The following EML1 variants were observed in gnomAD, a reference collection of about 807,000 sequenced individuals.
EML1 encodes the protein EMAP like 1.
In EML1, 27 loss-of-function variants were observed where a neutral mutation model predicts 110.4. The observed-to-expected ratio is 0.24, with a 90% CI of 0.18 to 0.34. EML1 has a LOEUF of 0.34. Ranked by LOEUF, EML1 falls within the 10% of genes least tolerant of loss-of-function variation. The probability of loss-of-function intolerance (pLI) is 1.00; values close to 1 mark genes in which losing one functional copy is unlikely to be tolerated. For synonymous variants in EML1, 344 were observed against 385.8 expected (o/e 0.89, Z 1.27); for missense variants, 741 against 1,030.9 (o/e 0.72, Z 3.85).
Position 99,781,610 on chromosome 14 carries a change from C to T in EML1, c.-27+7597C>T, listed in dbSNP as rs1225231779. Among the ~76,000 whole-genome samples the T allele has an allele frequency of 6.6e-6, 1 of 152,178 alleles. No individual in the cohort carries two copies. The highest frequency in any genetic ancestry group is 1.5e-5 in the Non-Finnish European group (1 of 68,028). On this transcript the variant is annotated intron_variant, in intron 1 of 22. Coordinates refer to the EML1 transcript ENST00000327921. The surrounding 1 kb of genome is among the most constrained non-coding windows in gnomAD (Gnocchi z 4.2). ...TCCCCTGGCCCAGGTATGTGCACTT[C>T]CCATCAGTCTTCCTGAAGCACAGTC... is the stretch of plus-strand genomic sequence containing the variant.
chr14:99,865,049 T>C (rs1190167258), intron 2 of EML1, among the ~76,000 whole-genome samples: 3 of 152,186 alleles, frequency 2.0e-5, no homozygotes, highest in Admixed American at 6.5e-5. Context: ...ATTTATTGTG[T>C]ACCTTCTTTC....
At chr14:99,809,629 A>G (rs1277819860) in intron 1 of EML1, 3 of 455,954 alleles carry the variant, frequency 6.6e-6, no homozygotes, top group East Asian at 1.4e-4. Context: ...TCAGGCCTGC[A>G]ACGTCTTATC....
intron 1 of EML1, among the ~76,000 whole-genome samples, chr14:99,794,834 T>C (rs1458153205): frequency 6.6e-6 from 1 of 152,176 alleles, no homozygotes; most frequent in Non-Finnish European, 1.5e-5. Context: ...AGGTAGAATG[T>C]ATTTGGTATG....
intron 1 of EML1, among the ~76,000 whole-genome samples, chr14:99,757,338 CAAA>C (rs565061924): frequency 1.6e-4 from 15 of 96,254 alleles, no homozygotes; most frequent in Admixed American, 1.3e-3. Flanking sequence ...GACTCCATTT[CAAA>C]AAAAAAAAAA....
intron 17 of EML1, among the ~76,000 whole-genome samples, chr14:99,935,050 C>T (rs780389659): frequency 6.6e-6 from 1 of 152,164 alleles, no homozygotes; most frequent in Non-Finnish European, 1.5e-5. Flanking sequence ...TGAGTGAACC[C>T]GTGTGTTCAG....
chr14:99,752,411 TAAAC>T (rs1463562418), intron 1 of EML1, among the ~76,000 whole-genome samples: 2 of 152,242 alleles, frequency 1.3e-5, no homozygotes, highest in Admixed American at 1.3e-4. Context: ...GAATTTCAGA[TAAAC>T]AACAACTGTT....
chr14:99,753,436 C>T (rs892505075), intron 1 of EML1, among the ~76,000 whole-genome samples: 6 of 151,902 alleles, frequency 3.9e-5, no homozygotes, highest in Non-Finnish European at 8.8e-5. Context: ...CTCCACAGCC[C>T]AGGCAGATGG....
At chr14:99,927,113 T>C (rs1168052605) in intron 17 of EML1, among the ~76,000 whole-genome samples, 1 of 152,226 alleles carries the variant, frequency 6.6e-6, no homozygotes, top group African/African-American at 2.4e-5. Context: ...AGCATTGATG[T>C]CTTAATATCA....
chr14:99,833,003 G>C (rs1566888469), intron 1 of EML1, among the ~76,000 whole-genome samples: 1 of 152,208 alleles, frequency 6.6e-6, no homozygotes. Context: ...CACCCAGGTA[G>C]TGAGCATAGT....
At chr14:99,770,500 T>C (rs2057414171), upstream of EML1, among the ~76,000 whole-genome samples, 1 of 152,092 alleles carries the variant, frequency 6.6e-6, no homozygotes, top group Non-Finnish European at 1.5e-5. Context: ...TCTAATCACC[T>C]CCCAAAGGCT....
chr14:99,848,975 T>A (rs898611133), intron 1 of EML1, among the ~76,000 whole-genome samples: 2 of 145,566 alleles, frequency 1.4e-5, no homozygotes, highest in South Asian at 2.2e-4. Flanking sequence ...AAAAAAAAAA[T>A]AATAAAACTT....
In EML1 at chr14:99,853,723, G is replaced by A. The variant is rs142633044; in HGVS notation, c.250+2688G>A. On this transcript the variant is annotated intron_variant, in intron 2 of 21. Transcript: ENST00000262233. ...CTTGCTGTGTCACCCAAGCTGGAGT[G>A]CAGTGGCGTGATCTTGGTTCTCTGC... Among the ~76,000 whole-genome samples, 30 of 152,316 alleles carry A rather than the reference G, an allele frequency of 2.0e-4. No homozygotes were observed. The East Asian group carries it at 5.4e-3, about 27-fold the overall frequency.
chr14:99,874,074 T>C (rs540061516), intron 3 of EML1, among the ~76,000 whole-genome samples: 2 of 152,348 alleles, frequency 1.3e-5, no homozygotes, highest in Admixed American at 6.5e-5. Flanking sequence ...GGAAAATCAA[T>C]TTTTGATTCC....
At chr14:99,744,842 A>G (rs1024213591) in intron 1 of EML1, among the ~76,000 whole-genome samples, 1 of 152,220 alleles carries the variant, frequency 6.6e-6, no homozygotes, top group Non-Finnish European at 1.5e-5. Context: ...CTGAGGTACA[A>G]AAGAGGGTGT....
rs145700394 is a variant in EML1, at chr14:99,842,399, G to A, written c.68-8454G>A. ...TTAAGAACCTCAGACAGCTCATGCT[G>A]CTGCCAAGAAGTCTCCCAGTCGTAT... On this transcript the variant is annotated intron_variant, in intron 1 of 21. Coordinates refer to ENST00000262233, the MANE Select transcript of EML1 (RefSeq NM_004434.3). 4.4e-3 allele frequency among the ~76,000 whole-genome samples: 673 copies of A among 152,334 alleles called. 4 individuals carry two copies. Among genetic ancestry groups the A allele is most frequent in the Non-Finnish European group, 7.9e-3 (535 of 68,034 alleles).
In EML1 at chr14:99,941,365, T is replaced by C. The variant is rs1416620889; in HGVS notation, c.*1253T>C. 2.6e-5 allele frequency: 4 copies of C among 152,256 alleles called. No individual in the cohort carries two copies. The highest frequency in any genetic ancestry group is 5.9e-5 in the Non-Finnish European group (4 of 68,048). 9.4% of individuals were successfully genotyped at this position (152,256 alleles called of 1,614,324 possible). A position where few individuals can be genotyped will look rare whatever the true frequency, so the allele number is the denominator to read the frequency against. ...TGGAATTATCTGAGCTCTATGGCAC[T>C]GGTTGTTTAGAGTGACTGATGAAGT... On this transcript the variant is annotated 3_prime_UTR_variant, in exon 22 of 22. Transcript: ENST00000262233.
intron 1 of EML1, among the ~76,000 whole-genome samples, chr14:99,800,008 A>G (rs530028202): frequency 3.9e-4 from 59 of 152,336 alleles, no homozygotes; most frequent in Non-Finnish European, 6.0e-4. Context: ...ATTCATCCTT[A>G]AAATTTTATC....
At chr14:99,923,521 T>G (rs7158480) in intron 17 of EML1, among the ~76,000 whole-genome samples, 68 of 152,376 alleles carry the variant, frequency 4.5e-4, no homozygotes, top group African/African-American at 1.6e-3. Flanking sequence ...AGGTATCTAG[T>G]TGTCCCAAGC....
chr14:99,838,909 G>GCGCGCA (rs758389422), intron 1 of EML1: 2 of 113,190 alleles, frequency 1.8e-5, no homozygotes, highest in African/African-American at 8.0e-5. Flanking sequence ...TGGGGAGTGC[G>GCGCGCA]CGCGCGCGCG....
Sources: gnomAD v4.1 joint callset for allele counts (sites outside exome capture counted in the v4.1 genomes callset) on GRCh38, gnomAD v4.1.1 for gene constraint, Gnocchi (gnomAD v3.1) non-coding constraint, MANE v1.5 for transcripts, NCBI Gene and HGNC (gene_info 2026-07-23, HGNC 2026-07-21) for gene names.